Variants in SPRED1 observed in about 807,000 individuals in gnomAD.
SPRED1 encodes the protein sprouty related EVH1 domain containing 1.
SPRED1 carries 18 observed loss-of-function variants against 52.3 expected under a neutral mutation model. The observed-to-expected ratio is 0.34, with a 90% CI of 0.24 to 0.51. SPRED1 has a LOEUF of 0.51. Among genes scored for constraint, SPRED1 ranks in the 20% least tolerant of loss-of-function variants. The pLI is 0.97. For synonymous variants in SPRED1, 155 were observed against 179.7 expected, an observed-to-expected ratio of 0.86 and a Z score of 1.10; for missense variants, 485 against 551.0, an observed-to-expected ratio of 0.88 and a Z score of 1.20.
chr15:38,311,898 T>G (rs1895374590), intron 2 of SPRED1, among the ~76,000 whole-genome samples: 1 of 152,122 alleles, frequency 6.6e-6, no homozygotes, highest in South Asian at 2.1e-4. Context: ...TTTATTTCTG[T>G]TGTCATTTTC....
chr15:38,335,636 A>G (rs184802794), intron 4 of SPRED1, among the ~76,000 whole-genome samples: 3 of 152,260 alleles, frequency 2.0e-5, no homozygotes, highest in East Asian at 3.9e-4. Context: ...GTATATTTGT[A>G]TTATATTTTT....
intron 1 of SPRED1, among the ~76,000 whole-genome samples, chr15:38,295,507 CTGT>C (rs1895017733): frequency 6.6e-6 from 1 of 152,072 alleles, no homozygotes; most frequent in Non-Finnish European, 1.5e-5. Flanking sequence ...TACGTGGAGT[CTGT>C]TGTTGACGGA....
At chr15:38,287,563 C>G (rs1052693698) in intron 1 of SPRED1, among the ~76,000 whole-genome samples, 1 of 152,136 alleles carries the variant, frequency 6.6e-6, no homozygotes. Flanking sequence ...CTCTAATGCT[C>G]TTTCTTGTCT....
At chr15:38,276,937 A>G (rs144178371) in intron 1 of SPRED1, among the ~76,000 whole-genome samples, 1 of 152,280 alleles carries the variant, frequency 6.6e-6, no homozygotes, top group African/African-American at 2.4e-5. Context: ...CCACAAGTAA[A>G]AAGAGGTGGA....
At position 38,303,700 on chromosome 15, in the gene SPRED1, A is replaced by G. The variant is rs911182004; in HGVS notation, c.207+4153A>G. On this transcript the variant is annotated intron_variant, in intron 2 of 6. Coordinates refer to ENST00000299084, the MANE Select transcript of SPRED1 (RefSeq NM_152594.3). Reference sequence around the variant, plus strand: ...AATAAAATATTATAAATTTGCTAGTATTATTAAAATTTGCTAAAGCTATGC... The same window carrying G: ...AATAAAATATTATAAATTTGCTAGTGTTATTAAAATTTGCTAAAGCTATGC... Among the ~76,000 whole-genome samples, 16 of 152,094 alleles carry G rather than the reference A, an allele frequency of 1.1e-4. No individual in the cohort carries two copies. In the Middle Eastern group the frequency reaches 0.014, roughly 129 times the overall value.
chr15:38,351,531 G>T lies in SPRED1; in HGVS notation c.1202G>T (p.Cys401Phe), dbSNP rs779058019. Residue 401 changes from cysteine to phenylalanine, a missense_variant, in exon 7 of 7, where the codon TGC becomes TTC. By Grantham distance (205) the Cys-to-Phe change is radical (BLOSUM62 -2). Transcript: ENST00000299084. Reference sequence around the variant, plus strand: ...TGTGACACTAGCGACGACAAGTTCTGCTTGCGATGGTTAGCCCTGGTAGCT... The same window carrying T: ...TGTGACACTAGCGACGACAAGTTCTTCTTGCGATGGTTAGCCCTGGTAGCT... ...CSCDTSDDKFCLRWLALVALS... is the reference protein window; with the variant it reads ...CSCDTSDDKFFLRWLALVALS... 110 of 1,613,984 alleles carry T rather than the reference G, an allele frequency of 6.8e-5. No homozygotes were observed. The highest frequency in any genetic ancestry group is 9.0e-5 in the Non-Finnish European group (106 of 1,180,008).
intron 2 of SPRED1, among the ~76,000 whole-genome samples, chr15:38,303,875 T>C (rs1003202466): frequency 2.6e-5 from 4 of 151,898 alleles, no homozygotes; most frequent in African/African-American, 9.7e-5. Flanking sequence ...AAACTTAGAG[T>C]GACAAAGATA....
intron 4 of SPRED1, among the ~76,000 whole-genome samples, chr15:38,331,126 A>G (rs1895797335): frequency 6.6e-6 from 1 of 152,092 alleles, no homozygotes; most frequent in African/African-American, 2.4e-5. Context: ...CCATAAGAGA[A>G]TAATTCTTAC....
intron 1 of SPRED1, among the ~76,000 whole-genome samples, chr15:38,275,762 C>T (rs1334022371): frequency 6.6e-6 from 1 of 152,200 alleles, no homozygotes; most frequent in Non-Finnish European, 1.5e-5. Flanking sequence ...TCCCAAAGTG[C>T]TGGGATTACA....
chr15:38,285,463 G>A (rs1894786949), intron 1 of SPRED1, among the ~76,000 whole-genome samples: 1 of 152,124 alleles, frequency 6.6e-6, no homozygotes, highest in Non-Finnish European at 1.5e-5. Context: ...CTTTTGTGAT[G>A]GAATCTGGCA....
intron 1 of SPRED1, among the ~76,000 whole-genome samples, chr15:38,261,857 T>C (rs1379570211): frequency 6.6e-6 from 1 of 152,264 alleles, no homozygotes; most frequent in East Asian, 1.9e-4. Flanking sequence ...GACTTCTATA[T>C]ATTAGCATCC....
chr15:38,297,614 T>A (rs957239918), intron 1 of SPRED1, among the ~76,000 whole-genome samples: 24 of 152,108 alleles, frequency 1.6e-4, no homozygotes, highest in Middle Eastern at 3.2e-3. Context: ...CCTTTCAGAG[T>A]TTCTATATAA....
chr15:38,278,492 AAAAG>A (rs1458511469), intron 1 of SPRED1, among the ~76,000 whole-genome samples: 8 of 152,206 alleles, frequency 5.3e-5, no homozygotes, highest in African/African-American at 1.9e-4. Context: ...CCTCCTCCAA[AAAAG>A]AAAGAAATTA....
intron 2 of SPRED1, among the ~76,000 whole-genome samples, chr15:38,315,368 A>G (rs555670507): frequency 6.6e-6 from 1 of 151,898 alleles, no homozygotes; most frequent in Non-Finnish European, 1.5e-5. Flanking sequence ...ATTTAAAAGT[A>G]TATATTTAAT....
intron 4 of SPRED1, among the ~76,000 whole-genome samples, chr15:38,331,876 CTAA>C (rs1895813482): frequency 6.6e-6 from 1 of 151,932 alleles, no homozygotes; most frequent in African/African-American, 2.4e-5. Context: ...TTTATAGGAA[CTAA>C]TAATAAATAA....
chr15:38,289,770 A>G (rs1025104326), intron 1 of SPRED1, among the ~76,000 whole-genome samples: 1 of 152,124 alleles, frequency 6.6e-6, no homozygotes, highest in Non-Finnish European at 1.5e-5. Flanking sequence ...GCAAGGGAAA[A>G]CTGTTTTCTC....
chr15:38,339,665 G>C, intron 4 of SPRED1, 72 bp from the exon 5 acceptor site: 4 of 1,491,762 alleles, frequency 2.7e-6, no homozygotes, highest in Non-Finnish European at 3.7e-6. Flanking sequence ...TTTTTAGAGT[G>C]AAAGTATCTT....
In SPRED1 at chr15:38,253,178, A is replaced by G; in HGVS notation, c.-8A>G. Reference sequence around the variant, plus strand: ...TCCATCTCCAGATCGGATCACGGTGAGGGAAAGATGAGCGAGGAGACGGCG... The same window carrying G: ...TCCATCTCCAGATCGGATCACGGTGGGGGAAAGATGAGCGAGGAGACGGCG... On this transcript the variant is annotated 5_prime_UTR_variant, in exon 1 of 7. The change abolishes the stop of an existing upstream ORF in the 5' untranslated region. Coordinates refer to ENST00000299084, the MANE Select transcript of SPRED1 (RefSeq NM_152594.3). The G allele has an allele frequency of 6.3e-7, 1 of 1,578,250 alleles. No homozygotes were observed. Among genetic ancestry groups the G allele is most frequent in the Non-Finnish European group, 8.6e-7 (1 of 1,161,104 alleles).
At chr15:38,283,632 A>G (rs541649344) in intron 1 of SPRED1, 45 of 469,494 alleles carry the variant, frequency 9.6e-5, no homozygotes, top group African/African-American at 8.4e-4. Context: ...TTTTTATATA[A>G]GTGAAGCTGA....
Sources: allele counts gnomAD v4.1 joint callset (sites outside exome capture counted in the v4.1 genomes callset), GRCh38; gene constraint gnomAD v4.1.1; transcripts MANE v1.5; gene names NCBI Gene and HGNC (gene_info 2026-07-23, HGNC 2026-07-21).